NCAM1: variants seen among roughly 807,000 people sequenced by gnomAD.
NCAM1 encodes antigen recognized by monoclonal antibody 5.1H11.
Under a neutral mutation model 109.8 loss-of-function variants are expected in NCAM1, and 14 were observed. The observed-to-expected ratio is 0.13, with a 90% CI of 0.08 to 0.20. The LOEUF is 0.20. Among genes scored for constraint, NCAM1 ranks in the 10% least tolerant of loss-of-function variants. The pLI is 1.00. For missense variants in NCAM1, 774 were observed against 1,109.9 expected (o/e 0.70, Z 4.30); for synonymous variants, 418 against 442.9 (o/e 0.94, Z 0.70).
At chr11:113,134,923 G>A (rs1941543756) in intron 1 of NCAM1, among the ~76,000 whole-genome samples, 1 of 152,112 alleles carries the variant, frequency 6.6e-6, no homozygotes, top group African/African-American at 2.4e-5. Context: ...CTGAGTAGCA[G>A]ACGGTTCCTG....
intron 2 of NCAM1, among the ~76,000 whole-genome samples, chr11:113,203,116 C>T (rs1057379278): frequency 4.6e-5 from 7 of 152,196 alleles, no homozygotes; most frequent in Non-Finnish European, 1.0e-4. Flanking sequence ...AATTAAGCCT[C>T]AGATTCTCTG....
In NCAM1 at chr11:113,277,313, A is replaced by G. The variant is rs1555126804; in HGVS notation, c.*1926A>G. 5.0e-6 allele frequency: 2 copies of G among 398,882 alleles called. No individual in the cohort carries two copies. The highest frequency in any genetic ancestry group is 2.1e-5 in the African/African-American group (1 of 48,580). The allele number at this position is 398,882 out of a possible 1,614,324, so 24.7% of individuals were successfully genotyped here. A position where few individuals can be genotyped will look rare whatever the true frequency, so the allele number is the denominator to read the frequency against. ...AACTGTGAAGAATAATGGTCTTGTCATTTGCTCAATGTGGGGTTATGTTGC... is the reference window on the plus strand; with the variant it reads ...AACTGTGAAGAATAATGGTCTTGTCGTTTGCTCAATGTGGGGTTATGTTGC... On this transcript the variant is annotated 3_prime_UTR_variant, in exon 20 of 20. Transcript: ENST00000316851.
In NCAM1 at chr11:113,231,669, C is replaced by T. The variant is rs1555117239; in HGVS notation, c.1114C>T (p.Arg372Cys). Residue 372 changes from arginine to cysteine, a missense_variant, in exon 10 of 20, where the codon CGT becomes TGT. Around this residue, in one of 4 missense-constraint regions of NCAM1, gnomAD observed 523 missense variants for 784.2 expected, o/e 0.67. Transcript: ENST00000316851. The part of the protein sequence containing the change: ...QETLDGHMVV[R>C]SHARVSSLTL... Reference sequence around the variant, plus strand: ...GACTCTGGATGGGCACATGGTGGTGCGTAGCCATGCCCGTGTGTCGTCGCT... The same window carrying T: ...GACTCTGGATGGGCACATGGTGGTGTGTAGCCATGCCCGTGTGTCGTCGCT... The T allele has an allele frequency of 1.9e-6, 3 of 1,612,332 alleles. No homozygotes were observed. The highest frequency in any genetic ancestry group is 8.5e-7 in the Non-Finnish European group (1 of 1,179,000).
At chr11:113,095,315 C>CGTGTGTGTGTGTGTGTGTGTGTGTGTGT (rs147958488) in intron 1 of NCAM1, among the ~76,000 whole-genome samples, 19 of 151,158 alleles carry the variant, frequency 1.3e-4, no homozygotes, top group African/African-American at 4.6e-4. Flanking sequence ...TAATAGAATG[C>CGTGTGTGTGTGTGTGTGTGTGTGTGTGT]GTGTGTGTGT....
chr11:113,096,187 C>A (rs782418618), intron 1 of NCAM1, among the ~76,000 whole-genome samples: 5 of 152,148 alleles, frequency 3.3e-5, no homozygotes, highest in African/African-American at 4.8e-5. Flanking sequence ...ACTTACCTAA[C>A]AACTCCAGGC....
Position 112,963,040 on chromosome 11 carries a change from C to A in NCAM1, c.52+1376C>A, listed in dbSNP as rs1555063861. Among the ~76,000 whole-genome samples the A allele has an allele frequency of 1.3e-5, 2 of 152,136 alleles. No individual in the cohort carries two copies. Among genetic ancestry groups the A allele is most frequent in the Admixed American group, 1.3e-4 (2 of 15,290 alleles). The stretch of plus-strand genomic sequence containing the variant: ...GCCCCCTCCGCGGGCGGCACAAGAG[C>A]AGCGCTCGGCCGCCGCCTCCAGCCA... On this transcript the variant is annotated intron_variant, in intron 1 of 19. Coordinates refer to ENST00000316851, the MANE Select transcript of NCAM1 (RefSeq NM_181351.5). The surrounding 1 kb of genome is among the most constrained non-coding windows in gnomAD (Gnocchi z 4.6).
chr11:113,158,896 T>G (rs1447431178), intron 1 of NCAM1, among the ~76,000 whole-genome samples: 1 of 152,334 alleles, frequency 6.6e-6, no homozygotes, highest in Admixed American at 6.5e-5. Context: ...AGCAGACAGC[T>G]TAATAACTGT....
At chr11:113,146,430 A>G (rs1241295305) in intron 1 of NCAM1, among the ~76,000 whole-genome samples, 1 of 152,200 alleles carries the variant, frequency 6.6e-6, no homozygotes, top group Non-Finnish European at 1.5e-5. Context: ...TCCTGTTGCC[A>G]CCTAGACACT....
intron 1 of NCAM1, 28 bp downstream of exon 1, chr11:112,961,692 A>C (rs781963746): frequency 3.2e-5 from 44 of 1,380,474 alleles, no homozygotes; most frequent in African/African-American, 2.2e-4. Context: ...TTAATTCTCA[A>C]TCTGGTTTGC....
intron 1 of NCAM1, among the ~76,000 whole-genome samples, chr11:112,979,758 A>AC (rs782079091): frequency 4.4e-4 from 67 of 152,008 alleles, no homozygotes; most frequent in Middle Eastern, 6.8e-3. Context: ...TCAGTCTAAA[A>AC]CAATGGGCTC....
At position 113,071,644 on chromosome 11, in the gene NCAM1, C is replaced by A. The variant is rs190416200; in HGVS notation, c.52+109980C>A. ...GTTTCACCGTGTTAGCCAGGATGGT[C>A]TCAATCTCCTGACCTCGTGATCCGC... is the stretch of plus-strand genomic sequence containing the variant. On this transcript the variant is annotated intron_variant, in intron 1 of 19. Transcript: ENST00000316851. Among the ~76,000 whole-genome samples the A allele has an allele frequency of 3.4e-3, 519 of 152,134 alleles. 5 individuals are homozygous for A. Among genetic ancestry groups the A allele is most frequent in the African/African-American group, 0.012 (504 of 41,538 alleles).
chr11:113,097,018 T>G (rs1214467175), intron 1 of NCAM1, among the ~76,000 whole-genome samples: 3 of 152,148 alleles, frequency 2.0e-5, no homozygotes, highest in Non-Finnish European at 4.4e-5. Context: ...CCTGTGCCAA[T>G]CCCATGCTTT....
intron 1 of NCAM1, among the ~76,000 whole-genome samples, chr11:113,197,579 G>C (rs17115109): frequency 6.6e-6 from 1 of 152,086 alleles, no homozygotes; most frequent in Admixed American, 6.5e-5. Flanking sequence ...GGTGATCAGA[G>C]CATCTTGCTT....
intron 1 of NCAM1, among the ~76,000 whole-genome samples, chr11:113,053,425 G>A (rs1555082113): frequency 1.3e-5 from 2 of 152,140 alleles, no homozygotes; most frequent in Non-Finnish European, 1.5e-5. Flanking sequence ...TATATAACCA[G>A]TAATGGGATT....
At chr11:113,050,018 A>G (rs1555081528) in intron 1 of NCAM1, among the ~76,000 whole-genome samples, 1 of 147,520 alleles carries the variant, frequency 6.8e-6, no homozygotes, top group Non-Finnish European at 1.5e-5. Flanking sequence ...TGAAACAGAC[A>G]TTTGTCTCCT....
At position 113,178,188 on chromosome 11, in the gene NCAM1, TGAA is replaced by T. The variant is rs1235674083; in HGVS notation, c.53-24186_53-24184del. The stretch of plus-strand genomic sequence containing the variant: ...GTGCTTCCATTTTAGAAGAGAAAAA[TGAA>T]GAAGGAGAGACAAAAAGTGAACCTG... On this transcript the variant is annotated intron_variant, in intron 1 of 19. Coordinates refer to ENST00000316851, the MANE Select transcript of NCAM1 (RefSeq NM_181351.5). 2.0e-5 allele frequency among the ~76,000 whole-genome samples: 3 copies of T among 151,844 alleles called. No homozygotes were observed. In the East Asian group the frequency reaches 5.8e-4, roughly 30 times the overall value.
chr11:113,221,265 C>T, intron 8 of NCAM1, 31 bp from the exon 9 acceptor site: 1 of 1,553,910 alleles, frequency 6.4e-7, no homozygotes, highest in Non-Finnish European at 8.7e-7. Context: ...TTACTGCTTT[C>T]TTGTTGTGTT....
intron 1 of NCAM1, among the ~76,000 whole-genome samples, chr11:113,017,379 T>C (rs1236858902): frequency 6.6e-6 from 1 of 152,228 alleles, no homozygotes; most frequent in Non-Finnish European, 1.5e-5. Flanking sequence ...ATCTTTAGAA[T>C]GTATTTTTGA....
At chr11:113,182,632 A>G in intron 1 of NCAM1, among the ~76,000 whole-genome samples, 1 of 152,228 alleles carries the variant, frequency 6.6e-6, no homozygotes, top group East Asian at 1.9e-4. Flanking sequence ...CCTCCAGAGC[A>G]GCAGCAGCAG....
Sources: allele counts gnomAD v4.1 joint callset (sites outside exome capture counted in the v4.1 genomes callset), GRCh38; gene constraint gnomAD v4.1.1; regional missense constraint gnomAD v4.1.1; non-coding constraint Gnocchi (gnomAD v3.1); transcripts MANE v1.5; gene names NCBI Gene and HGNC (gene_info 2026-07-23, HGNC 2026-07-21).